TIA1: variants seen among roughly 807,000 people sequenced by gnomAD.
TIA1 encodes the protein cytotoxic granule associated RNA binding protein TIA1.
A neutral mutation model predicts 65.9 loss-of-function variants in TIA1; 23 were observed. That is an observed-to-expected ratio of 0.35 (90% confidence interval 0.25 to 0.49). The LOEUF is 0.49. Among genes scored for constraint, TIA1 ranks in the 20% least tolerant of loss-of-function variants. The pLI is 0.98. For missense variants in TIA1, 371 were observed against 477.9 expected (o/e 0.78, Z 2.09); for synonymous variants, 147 against 149.4 (o/e 0.98, Z 0.12).
chr2:70,216,551 AAG>A (rs1380089977), intron 8 of TIA1, 52 bp from the exon 9 acceptor site: 47 of 1,542,432 alleles, frequency 3.0e-5, no homozygotes, highest in Non-Finnish European at 4.0e-5. Flanking sequence ...AATGTGCAGA[AAG>A]AGAAAAGTAG....
intron 12 of TIA1, among the ~76,000 whole-genome samples, chr2:70,213,394 A>G (rs557962338): frequency 6.8e-6 from 1 of 147,426 alleles, no homozygotes; most frequent in South Asian, 2.1e-4. Context: ...CCCAGGCTGG[A>G]GTACAGTGGT....
At chr2:70,232,339 G>C (rs1300906877) in intron 2 of TIA1, among the ~76,000 whole-genome samples, 1 of 151,020 alleles carries the variant, frequency 6.6e-6, no homozygotes, top group African/African-American at 2.4e-5. Context: ...TCAGGAGTTT[G>C]AGACCAGCCT....
intron 7 of TIA1, among the ~76,000 whole-genome samples, chr2:70,217,793 C>G (rs553445001): frequency 5.8e-4 from 88 of 152,236 alleles, no homozygotes; most frequent in African/African-American, 2.1e-3. Context: ...CCCAATGGTG[C>G]TTTTGTATTG....
Position 70,215,191 on chromosome 2 carries a change from T to A in TIA1, c.888+180A>T, listed in dbSNP as rs180917809. 3.0e-3 allele frequency: 2,116 copies of A among 704,508 alleles called. 5 individuals carry two copies. The highest frequency in any genetic ancestry group is 3.8e-3 in the Admixed American group (122 of 31,852). 43.6% of individuals were successfully genotyped at this position (704,508 alleles called of 1,614,324 possible). A position where few individuals can be genotyped will look rare whatever the true frequency, so the allele number is the denominator to read the frequency against. On this transcript the variant is annotated intron_variant, in intron 11 of 12. Coordinates refer to ENST00000433529, the MANE Select transcript of TIA1 (RefSeq NM_022173.4). The stretch of plus-strand genomic sequence containing the variant: ...GCATGAGTCAATTGAGGCGGTCACA[T>A]TCATCATGTCACCACTGCAATCCAT...
chr2:70,247,611 G>T (rs538893083), intron 1 of TIA1, among the ~76,000 whole-genome samples: 2 of 152,212 alleles, frequency 1.3e-5, no homozygotes, highest in East Asian at 1.9e-4. Context: ...AAATATCCAC[G>T]CTCCGGTAAT....
At position 70,248,498 on chromosome 2, in the gene TIA1, A is replaced by C; in HGVS notation, c.-68T>G. ...CCCTTCACTACCTCCCAAATCGTTTAAGCGGTTATGGCTACAGGATAGTGG... is the reference window on the plus strand; with the variant it reads ...CCCTTCACTACCTCCCAAATCGTTTCAGCGGTTATGGCTACAGGATAGTGG... On this transcript the variant is annotated 5_prime_UTR_variant, in exon 1 of 13. Transcript: ENST00000433529. 1 of 1,599,458 alleles carries C rather than the reference A, an allele frequency of 6.3e-7. No individual in the cohort carries two copies. Among genetic ancestry groups the C allele is most frequent in the African/African-American group, 1.3e-5 (1 of 75,006 alleles).
intron 7 of TIA1, among the ~76,000 whole-genome samples, chr2:70,218,666 C>A (rs946590957): frequency 1.3e-5 from 2 of 152,182 alleles, no homozygotes; most frequent in African/African-American, 4.8e-5. Context: ...ATCTCCTGAC[C>A]TCGTGATCCG....
chr2:70,223,003 C>T (rs184848239), intron 7 of TIA1, among the ~76,000 whole-genome samples: 4 of 152,324 alleles, frequency 2.6e-5, no homozygotes, highest in Non-Finnish European at 5.9e-5. Flanking sequence ...CTCCAGAGGC[C>T]ATACACAGGT....
intron 1 of TIA1, among the ~76,000 whole-genome samples, chr2:70,237,476 C>T (rs1480191275): frequency 6.6e-6 from 1 of 152,146 alleles, no homozygotes; most frequent in African/African-American, 2.4e-5. Context: ...CATCGTTTTG[C>T]AAACTGATTG....
rs1678550372 is a variant in TIA1 at position 70,216,153 on chromosome 2, C to T, written c.764+55G>A. ...AAAGTTTTTTATTTTTATTTATTTT[C>T]TGGTTTTCCAGTTACATTACCAAGA... On this transcript the variant is annotated intron_variant, in intron 10 of 12. Transcript: ENST00000433529. The T allele has an allele frequency of 3.1e-6, 4 of 1,290,452 alleles. No individual in the cohort carries two copies. In the South Asian group the frequency reaches 4.2e-5, roughly 14 times the overall value. The allele number at this position is 1,290,452 out of a possible 1,614,324, so 79.9% of individuals were successfully genotyped here.
chr2:70,246,891 C>G (rs1694620953), intron 1 of TIA1, among the ~76,000 whole-genome samples: 1 of 151,836 alleles, frequency 6.6e-6, no homozygotes, highest in Admixed American at 6.6e-5. Context: ...GAGACTCCAT[C>G]TCAAAAAATT....
Position 70,236,188 on chromosome 2 carries a change from G to C in TIA1, c.27-13C>G, listed in dbSNP as rs1688823152. On this transcript the variant is annotated splice_polypyrimidine_tract_variant and intron_variant, in intron 1 of 12. Transcript: ENST00000433529. ...GTTACCGACGTATCTGAAACACAAA[G>C]AGAAACAATTTACCTTTTTTTTTTT... 1 of 1,521,838 alleles carries C rather than the reference G, an allele frequency of 6.6e-7. No homozygotes were observed. The highest frequency in any genetic ancestry group is 9.0e-7 in the Non-Finnish European group (1 of 1,107,400). The allele number at this position is 1,521,838 out of a possible 1,614,324, so 94.3% of individuals were successfully genotyped here.
chr2:70,216,327 C>G (rs755817051), intron 9 of TIA1, 35 bp from the exon 10 acceptor site: 17 of 1,580,736 alleles, frequency 1.1e-5, no homozygotes, highest in Non-Finnish European at 1.4e-5. Flanking sequence ...ACAAATCACA[C>G]TAAGTTATAT....
chr2:70,242,447 C>T (rs1309097348), intron 1 of TIA1, among the ~76,000 whole-genome samples: 3 of 117,238 alleles, frequency 2.6e-5, no homozygotes, highest in South Asian at 2.9e-4. Context: ...TGCAGTGAGC[C>T]GAGATCTCAC....
intron 7 of TIA1, among the ~76,000 whole-genome samples, chr2:70,219,354 G>A (rs529237627): frequency 1.3e-5 from 2 of 152,294 alleles, no homozygotes; most frequent in Admixed American, 1.3e-4. Flanking sequence ...TACAAAGTGA[G>A]AGTAAAACCA....
rs374407136 is a variant in TIA1, at chr2:70,232,802, G to A, written c.124-1948C>T. Reference sequence around the variant, plus strand: ...GAGATTCGCTTGAACTCAGGAGGGGGACGTTGCAGTGAGCCAAGATGGTGC... The same window carrying A: ...GAGATTCGCTTGAACTCAGGAGGGGAACGTTGCAGTGAGCCAAGATGGTGC... On this transcript the variant is annotated intron_variant, in intron 2 of 12. Transcript: ENST00000433529. 8.4e-4 allele frequency among the ~76,000 whole-genome samples: 127 copies of A among 152,016 alleles called. 1 individual carries two copies. In the South Asian group the frequency reaches 0.025, roughly 30 times the overall value.
chr2:70,224,380 T>C (rs1558815682), intron 7 of TIA1, 174 bp downstream of exon 7: 1 of 791,814 alleles, frequency 1.3e-6, no homozygotes. Flanking sequence ...GTACTCTGCA[T>C]GCCTCAGGTG....
At chr2:70,225,231 C>T in intron 6 of TIA1, 2 of 1,097,732 alleles carry the variant, frequency 1.8e-6, no homozygotes, top group Middle Eastern at 2.7e-4. Context: ...AAAGATTTTA[C>T]ACTGAATTTT....
intron 2 of TIA1, among the ~76,000 whole-genome samples, chr2:70,235,574 G>GTGTGTA (rs1226891393): frequency 2.6e-4 from 39 of 151,136 alleles, no homozygotes; most frequent in African/African-American, 6.3e-4. Flanking sequence ...GTGTGTGTAT[G>GTGTGTA]TGTGTGTGTT....
Sources: gnomAD v4.1 joint callset for allele counts (sites outside exome capture counted in the v4.1 genomes callset) on GRCh38, gnomAD v4.1.1 for gene constraint, MANE v1.5 for transcripts, NCBI Gene and HGNC (gene_info 2026-07-23, HGNC 2026-07-21) for gene names.